YEATS2: variants seen among roughly 807,000 people sequenced by gnomAD.
The protein encoded by YEATS2 is YEATS domain containing 2.
Under a neutral mutation model 163.2 loss-of-function variants are expected in YEATS2, and 77 were observed. The ratio of observed to expected loss-of-function variants is 0.47; its 90% CI spans 0.39 to 0.57. The LOEUF (loss-of-function observed/expected upper bound fraction) is 0.57, where lower values mean the gene tolerates loss of function less well. YEATS2 is among the 20% of genes least tolerant of loss of function. The pLI, the probability that YEATS2 is intolerant of heterozygous loss-of-function variation, is 0.00. For missense variants in YEATS2, 1,549 were observed against 1,729.8 expected, an observed-to-expected ratio of 0.90 and a Z score of 1.85; for synonymous variants, 631 against 645.1, an observed-to-expected ratio of 0.98 and a Z score of 0.33.
intron 11 of YEATS2, 72 bp from the exon 12 acceptor site, chr3:183,756,456 T>C: frequency 7.1e-7 from 1 of 1,412,504 alleles, no homozygotes; most frequent in Non-Finnish European, 9.4e-7. Flanking sequence ...ACCTTCTTCC[T>C]TGTCCTCGAC....
intron 21 of YEATS2, 38 bp downstream of exon 21, chr3:183,791,018 C>G: frequency 6.3e-7 from 1 of 1,595,386 alleles, no homozygotes; most frequent in African/African-American, 1.3e-5. Context: ...TCTCTTTTCT[C>G]TCATTGGGCT....
chr3:183,748,144 T>A (rs1199232316), intron 9 of YEATS2, among the ~76,000 whole-genome samples: 1 of 151,776 alleles, frequency 6.6e-6, no homozygotes, highest in East Asian at 1.9e-4. Flanking sequence ...AGACTCACAG[T>A]TCCACAGGCT....
intron 22 of YEATS2, 113 bp from the exon 23 acceptor site, chr3:183,798,778 C>T (rs913694298): frequency 5.1e-6 from 4 of 778,462 alleles, no homozygotes; most frequent in Non-Finnish European, 6.7e-6. Context: ...CTGTTGTCCT[C>T]AAGTTGCCTT....
intron 29 of YEATS2, 57 bp downstream of exon 29, chr3:183,808,161 G>C: frequency 7.0e-7 from 1 of 1,419,126 alleles, no homozygotes. Flanking sequence ...AGGCGGTTTG[G>C]AGTAAGGGGC....
chr3:183,754,488 A>G (rs1720512146), intron 11 of YEATS2, 123 bp downstream of exon 11: 10 of 1,334,958 alleles, frequency 7.5e-6, no homozygotes, highest in Non-Finnish European at 8.9e-6. Context: ...TATGTTTAAC[A>G]AAAGGAAGTT....
intron 11 of YEATS2, among the ~76,000 whole-genome samples, chr3:183,755,040 T>C (rs1720570752): frequency 6.6e-6 from 1 of 152,124 alleles, no homozygotes; most frequent in African/African-American, 2.4e-5. Flanking sequence ...AAAAGAATGT[T>C]TGGTGTTGTA....
intron 1 of YEATS2, among the ~76,000 whole-genome samples, chr3:183,708,795 C>T (rs985330167): frequency 7.2e-5 from 11 of 152,202 alleles, no homozygotes; most frequent in Admixed American, 2.6e-4. Flanking sequence ...GCCCAGGATT[C>T]CAAGGTTGCA....
intron 9 of YEATS2, among the ~76,000 whole-genome samples, chr3:183,748,205 CCTTCCTTCT>C (rs1165954469): frequency 6.6e-6 from 1 of 151,090 alleles, no homozygotes; most frequent in Non-Finnish European, 1.5e-5. Flanking sequence ...CCTCCTCTTC[CCTTCCTTCT>C]CCCTTCCCTT....
chr3:183,772,450 C>T lies in YEATS2; in HGVS notation c.2093C>T (p.Ala698Val), dbSNP rs778112930. 6.2e-7 allele frequency: 1 copy of T among 1,613,994 alleles called. No individual in the cohort carries two copies. Among genetic ancestry groups the T allele is most frequent in the Admixed American group, 1.7e-5 (1 of 59,982 alleles). Residue 698 changes from alanine to valine, a missense_variant, in exon 16 of 31, where the codon GCC becomes GTC. Coordinates refer to ENST00000305135, the MANE Select transcript of YEATS2 (RefSeq NM_018023.5). ...GPKQVVTQGV[A>V]KAIVSGGGGT... ...AAGCAAGTTGTAACCCAAGGAGTTGCCAAAGCAATTGTGAGTGGAGGTGGA... is the reference window on the plus strand; with the variant it reads ...AAGCAAGTTGTAACCCAAGGAGTTGTCAAAGCAATTGTGAGTGGAGGTGGA...
At chr3:183,704,924 C>T (rs1195999610) in intron 1 of YEATS2, among the ~76,000 whole-genome samples, 4 of 152,130 alleles carry the variant, frequency 2.6e-5, no homozygotes, top group African/African-American at 7.2e-5. Context: ...CCACTGCATC[C>T]GACCTTAATG....
chr3:183,788,427 T>C (rs1724274564), intron 20 of YEATS2, among the ~76,000 whole-genome samples: 2 of 152,198 alleles, frequency 1.3e-5, no homozygotes, highest in South Asian at 4.1e-4. Context: ...GCCTGGCTTA[T>C]TTCACTTAAC....
intron 21 of YEATS2, chr3:183,793,609 C>CTTTTTTTTTTTTTTTTTTTTTTT: frequency 9.1e-6 from 1 of 109,386 alleles, no homozygotes; most frequent in Admixed American, 1.3e-4. Context: ...TTCTTTCTTT[C>CTTTTTTTTTTTTTTTTTTTTTTT]TTTTTTTTTT....
chr3:183,786,543 A>G (rs1311577657), intron 20 of YEATS2, among the ~76,000 whole-genome samples: 2 of 152,132 alleles, frequency 1.3e-5, no homozygotes, highest in Non-Finnish European at 2.9e-5. Flanking sequence ...GCATTTTATC[A>G]TCCCAGAAAG....
intron 14 of YEATS2, 50 bp downstream of exon 14, chr3:183,761,664 C>A: frequency 6.4e-7 from 1 of 1,554,462 alleles, no homozygotes; most frequent in Non-Finnish European, 8.9e-7. Flanking sequence ...CTTTTTGTGG[C>A]ATGTTGGAGT....
At chr3:183,705,637 G>C (rs1359172123) in intron 1 of YEATS2, among the ~76,000 whole-genome samples, 3 of 152,124 alleles carry the variant, frequency 2.0e-5, no homozygotes, top group African/African-American at 7.2e-5. Context: ...TAGCTAAAGA[G>C]CCTTTAAAGA....
chr3:183,735,405 G>A (rs1718235184), intron 7 of YEATS2, among the ~76,000 whole-genome samples: 1 of 152,216 alleles, frequency 6.6e-6, no homozygotes, highest in African/African-American at 2.4e-5. Context: ...CAACGTCACA[G>A]CTGCTTCTCT....
At chr3:183,755,949 T>C (rs989540674) in intron 11 of YEATS2, among the ~76,000 whole-genome samples, 1 of 151,972 alleles carries the variant, frequency 6.6e-6, no homozygotes, top group Non-Finnish European at 1.5e-5. Context: ...TTTCTCCATG[T>C]TGGTCAGGCT....
intron 8 of YEATS2, among the ~76,000 whole-genome samples, chr3:183,738,379 A>G (rs1379246524): frequency 6.6e-6 from 1 of 151,098 alleles, no homozygotes; most frequent in Non-Finnish European, 1.5e-5. Flanking sequence ...TTGTAAATGC[A>G]AAGGAAAAGT....
chr3:183,768,462 G>A (rs1035177207), intron 15 of YEATS2, among the ~76,000 whole-genome samples: 1 of 152,166 alleles, frequency 6.6e-6, no homozygotes, highest in African/African-American at 2.4e-5. Context: ...TACTATGAGA[G>A]GAGAAGGAAA....
Sources: gnomAD v4.1 joint callset for allele counts (sites outside exome capture counted in the v4.1 genomes callset) on GRCh38, gnomAD v4.1.1 for gene constraint, MANE v1.5 for transcripts, NCBI Gene and HGNC (gene_info 2026-07-23, HGNC 2026-07-21) for gene names.